The following RORB variants were observed in gnomAD, a reference collection of about 807,000 sequenced individuals.
RORB encodes the protein nuclear receptor ROR-beta.
A neutral mutation model predicts 59.1 loss-of-function variants in RORB; 6 were observed. The ratio of observed to expected loss-of-function variants is 0.10; its 90% CI spans 0.06 to 0.20. The LOEUF (loss-of-function observed/expected upper bound fraction) is 0.20, where lower values mean the gene tolerates loss of function less well. Among genes scored for constraint, RORB ranks in the 10% least tolerant of loss-of-function variants. The probability of loss-of-function intolerance (pLI) is 1.00; values close to 1 mark genes in which losing one functional copy is unlikely to be tolerated. For synonymous variants in RORB, 215 were observed against 204.5 expected, an observed-to-expected ratio of 1.05 and a Z score of -0.44; for missense variants, 320 against 560.5, an observed-to-expected ratio of 0.57 and a Z score of 4.33.
rs538892587 is a variant in RORB, at chr9:74,612,048, G to A, written c.8-18234G>A. Among the ~76,000 whole-genome samples the A allele has an allele frequency of 1.2e-3, 184 of 152,286 alleles. 1 individual carries two copies. The highest frequency in any genetic ancestry group is 6.8e-3 in the Middle Eastern group (2 of 294). Reference sequence around the variant, plus strand: ...AGCTTATAGTCAAGGTGAAAGAGAAGCATATAAACAGGATTATTGAAGAGT... The same window carrying A: ...AGCTTATAGTCAAGGTGAAAGAGAAACATATAAACAGGATTATTGAAGAGT... On this transcript the variant is annotated intron_variant, in intron 1 of 9. Coordinates refer to ENST00000376896, the MANE Select transcript of RORB (RefSeq NM_006914.4).
At chr9:74,544,332 C>T (rs1826457060) in intron 1 of RORB, among the ~76,000 whole-genome samples, 2 of 152,178 alleles carry the variant, frequency 1.3e-5, no homozygotes, top group South Asian at 2.1e-4. Flanking sequence ...AAAGACTGTT[C>T]TTCGGTTTCC....
chr9:74,670,021 C>T (rs996082363), intron 8 of RORB, among the ~76,000 whole-genome samples: 4 of 151,096 alleles, frequency 2.6e-5, no homozygotes, highest in Non-Finnish European at 4.4e-5. Flanking sequence ...AGTGTTTTTA[C>T]TAACAGTTTC....
At chr9:74,549,408 C>G (rs1197720015) in intron 1 of RORB, among the ~76,000 whole-genome samples, 1 of 147,520 alleles carries the variant, frequency 6.8e-6, no homozygotes, top group African/African-American at 2.5e-5. Context: ...CGCATCACCG[C>G]ACTCCAGCCT....
chr9:74,567,704 T>TC, intron 1 of RORB, among the ~76,000 whole-genome samples: 1 of 152,282 alleles, frequency 6.6e-6, no homozygotes, highest in South Asian at 2.1e-4. Flanking sequence ...GAGACTTTGT[T>TC]CCCACTCGTA....
At chr9:74,599,837 A>G (rs1262745331) in intron 1 of RORB, among the ~76,000 whole-genome samples, 2 of 152,160 alleles carry the variant, frequency 1.3e-5, no homozygotes, top group Non-Finnish European at 2.9e-5. Context: ...ATGGTGACTG[A>G]GCCAGATCAT....
In RORB at chr9:74,539,145, G is replaced by A. The variant is rs562168655; in HGVS notation, c.7+41162G>A. Among the ~76,000 whole-genome samples, 11 of 152,202 alleles carry A rather than the reference G, an allele frequency of 7.2e-5. No homozygotes were observed. In the South Asian group the frequency reaches 2.1e-3, roughly 29 times the overall value. On this transcript the variant is annotated intron_variant, in intron 1 of 9. Transcript: ENST00000376896. ...CAAGTTAAATTTTAAAACAAACACT[G>A]TAGAATGGTATTCATGAATACACCT... is the stretch of plus-strand genomic sequence containing the variant.
At chr9:74,608,286 C>T (rs1036165580) in intron 1 of RORB, among the ~76,000 whole-genome samples, 3 of 152,052 alleles carry the variant, frequency 2.0e-5, no homozygotes, top group African/African-American at 7.2e-5. Context: ...AGTTTCTGGG[C>T]CGGGAGCGGT....
chr9:74,667,673 C>A (rs1370585700), intron 7 of RORB, 118 bp from the exon 8 acceptor site: 4 of 589,000 alleles, frequency 6.8e-6, no homozygotes, highest in East Asian at 2.9e-5. Flanking sequence ...AAAAAAATAT[C>A]TTTTCTAGAA....
Position 74,645,980 on chromosome 9 carries a change from C to T in RORB, c.637+3165C>T, listed in dbSNP as rs535292425. Among the ~76,000 whole-genome samples the T allele has an allele frequency of 3.9e-5, 6 of 152,220 alleles. 1 individual carries two copies. The South Asian group carries it at 1.2e-3, about 32-fold the overall frequency. On this transcript the variant is annotated intron_variant, in intron 4 of 9. Transcript: ENST00000376896. ...TACAAACTGGAGCTTTCAGAGTATG[C>T]ACGCTGTCATTTTGACTTGATTTGA...
chr9:74,653,913 G>A (rs1213487758), intron 4 of RORB, among the ~76,000 whole-genome samples: 2 of 152,128 alleles, frequency 1.3e-5, no homozygotes, highest in African/African-American at 4.8e-5. Context: ...CTGCAAGCTG[G>A]TCCTCATTTT....
intron 4 of RORB, among the ~76,000 whole-genome samples, chr9:74,646,728 G>A (rs2071093858): frequency 6.6e-6 from 1 of 152,226 alleles, no homozygotes; most frequent in South Asian, 2.1e-4. Context: ...AGACTGCCAG[G>A]CATTTTTCTT....
chr9:74,593,071 G>A (rs7875098), intron 1 of RORB, among the ~76,000 whole-genome samples: 5,848 of 152,170 alleles, frequency 0.038, 372 homozygotes, highest in African/African-American at 0.13. Context: ...GAAACATCTA[G>A]TGATGTCTTC....
chr9:74,621,515 GT>G (rs1823418791), intron 1 of RORB, among the ~76,000 whole-genome samples: 1 of 152,196 alleles, frequency 6.6e-6, no homozygotes, highest in African/African-American at 2.4e-5. Flanking sequence ...ATTGTTTCCA[GT>G]TTTGGGTAAT....
chr9:74,542,282 G>T (rs577369215), intron 1 of RORB, among the ~76,000 whole-genome samples: 1 of 152,076 alleles, frequency 6.6e-6, no homozygotes, highest in Non-Finnish European at 1.5e-5. Context: ...TGTGATTCAA[G>T]AAATAAAAAG....
chr9:74,682,019 A>G (rs1438894389), intron 9 of RORB, among the ~76,000 whole-genome samples: 1 of 152,056 alleles, frequency 6.6e-6, no homozygotes, highest in Non-Finnish European at 1.5e-5. Flanking sequence ...CCTGCCTTCC[A>G]TGTCCTTCGA....
chr9:74,649,707 AAT>A (rs2118482278), intron 4 of RORB, among the ~76,000 whole-genome samples: 1 of 152,356 alleles, frequency 6.6e-6, no homozygotes, highest in South Asian at 2.1e-4. Flanking sequence ...TTTCCAAACA[AAT>A]ATATGATTTA....
rs140083876 is a variant in RORB, at chr9:74,542,316, A to G, written c.7+44333A>G. On this transcript the variant is annotated intron_variant, in intron 1 of 9. Coordinates refer to ENST00000376896, the MANE Select transcript of RORB (RefSeq NM_006914.4). ...AGTGATACATATTATGTAAGTGATA[A>G]GCAGGAGACAATGAATAACACCAAA... Among the ~76,000 whole-genome samples, 1,337 of 152,320 alleles carry G rather than the reference A, an allele frequency of 8.8e-3. 10 individuals are homozygous for G. The highest frequency in any genetic ancestry group is 0.014 in the Non-Finnish European group (927 of 68,038).
At chr9:74,600,657 A>G (rs1372566910) in intron 1 of RORB, among the ~76,000 whole-genome samples, 1 of 152,244 alleles carries the variant, frequency 6.6e-6, no homozygotes, top group Non-Finnish European at 1.5e-5. Context: ...ATAGACTCAG[A>G]TATCAAGATA....
intron 1 of RORB, among the ~76,000 whole-genome samples, chr9:74,527,234 G>A (rs1247275797): frequency 6.6e-6 from 1 of 151,922 alleles, no homozygotes; most frequent in Non-Finnish European, 1.5e-5. Flanking sequence ...GATGTGAGGA[G>A]TAGGTTTAGT....
Sources: gnomAD v4.1 joint callset for allele counts (sites outside exome capture counted in the v4.1 genomes callset) on GRCh38, gnomAD v4.1.1 for gene constraint, MANE v1.5 for transcripts, NCBI Gene and HGNC (gene_info 2026-07-23, HGNC 2026-07-21) for gene names.